Variants in MEGF11 observed in about 807,000 individuals in gnomAD.
MEGF11 encodes the protein multiple epidermal growth factor-like domains protein 11.
Under a neutral mutation model 146.6 loss-of-function variants are expected in MEGF11, and 126 were observed. The ratio of observed to expected loss-of-function variants is 0.86; its 90% confidence interval spans 0.74 to 1.00. The LOEUF (loss-of-function observed/expected upper bound fraction) is 1.00. MEGF11 is among the 50% of genes least tolerant of loss of function. The pLI is 0.00. For synonymous variants in MEGF11, 532 were observed against 583.4 expected (o/e 0.91, Z 1.27); for missense variants, 1,509 against 1,521.2 (o/e 0.99, Z 0.13).
intron 5 of MEGF11, among the ~76,000 whole-genome samples, chr15:66,093,155 T>C (rs1039589315): frequency 6.6e-6 from 1 of 151,558 alleles, no homozygotes; most frequent in Non-Finnish European, 1.5e-5. Context: ...CATTAGGGGG[T>C]TTCTTGGATA....
chr15:65,897,911 T>C lies in MEGF11; in HGVS notation c.*23A>G. On this transcript the variant is annotated 3_prime_UTR_variant, in exon 26 of 26. Transcript: ENST00000395614. ...AGTCAGAATATTCAGTAGAGCACACTGCAAGAGAGAAGCTTATCCCTCTTA... is the reference window on the plus strand; with the variant it reads ...AGTCAGAATATTCAGTAGAGCACACCGCAAGAGAGAAGCTTATCCCTCTTA... 6.2e-7 allele frequency: 1 copy of C among 1,609,668 alleles called. No homozygotes were observed. The highest frequency in any genetic ancestry group is 2.2e-5 in the East Asian group (1 of 44,880).
At chr15:66,247,815 T>A (rs1237222485) in intron 1 of MEGF11, among the ~76,000 whole-genome samples, 1 of 145,446 alleles carries the variant, frequency 6.9e-6, no homozygotes, top group Non-Finnish European at 1.6e-5. Flanking sequence ...GGCTGGCAGA[T>A]CACCTGAGGT....
At chr15:66,121,989 G>A (rs2088048976) in intron 3 of MEGF11, among the ~76,000 whole-genome samples, 2 of 152,196 alleles carry the variant, frequency 1.3e-5, no homozygotes, top group African/African-American at 4.8e-5. Context: ...CACTGGCCAG[G>A]CGTGGTGGCT....
intron 5 of MEGF11, among the ~76,000 whole-genome samples, chr15:65,984,516 A>G: frequency 1.0e-5 from 1 of 96,176 alleles, no homozygotes; most frequent in East Asian, 2.9e-4. Flanking sequence ...ATAGAGCAAG[A>G]CTCCGTGTCA....
At chr15:66,042,522 G>T (rs538346465) in intron 5 of MEGF11, among the ~76,000 whole-genome samples, 7 of 152,046 alleles carry the variant, frequency 4.6e-5, no homozygotes, top group Non-Finnish European at 7.4e-5. Context: ...TCAGAGCACT[G>T]GGGGGGAACA....
chr15:66,176,634 A>G (rs1597136497), intron 1 of MEGF11, among the ~76,000 whole-genome samples: 1 of 152,236 alleles, frequency 6.6e-6, no homozygotes, highest in Non-Finnish European at 1.5e-5. Flanking sequence ...CCATCACTGC[A>G]GAGGACCCTT....
intron 10 of MEGF11, among the ~76,000 whole-genome samples, chr15:65,942,789 G>A (rs1211446074): frequency 2.0e-5 from 3 of 152,106 alleles, no homozygotes. Flanking sequence ...TCTCTTACAG[G>A]TCTGCTGGGA....
chr15:66,221,391 C>T (rs996346502), intron 1 of MEGF11, among the ~76,000 whole-genome samples: 1 of 152,072 alleles, frequency 6.6e-6, no homozygotes, highest in Non-Finnish European at 1.5e-5. Flanking sequence ...ATTATTCTAG[C>T]CTGCAAGCAT....
intron 5 of MEGF11, among the ~76,000 whole-genome samples, chr15:66,058,449 A>C (rs2084769034): frequency 6.6e-6 from 1 of 152,214 alleles, no homozygotes; most frequent in South Asian, 2.1e-4. Context: ...CCAGGAGCTG[A>C]GGAGGCAGTT....
intron 1 of MEGF11, among the ~76,000 whole-genome samples, chr15:66,136,976 T>C (rs1455385932): frequency 6.6e-6 from 1 of 152,118 alleles, no homozygotes; most frequent in East Asian, 1.9e-4. Context: ...GAGGCTGCAG[T>C]GAGACGTGAG....
At chr15:66,034,479 G>T (rs1159270720) in intron 5 of MEGF11, among the ~76,000 whole-genome samples, 2 of 151,812 alleles carry the variant, frequency 1.3e-5, no homozygotes, top group African/African-American at 4.8e-5. Context: ...GAGTACAGTG[G>T]TGTGATCTTG....
At chr15:66,038,608 A>G (rs1465485) in intron 5 of MEGF11, among the ~76,000 whole-genome samples, 41,616 of 152,036 alleles carry the variant, frequency 0.27, 7,211 homozygotes, top group East Asian at 0.63. Flanking sequence ...TAATGTCCCC[A>G]TTTTACAGAT....
intron 5 of MEGF11, among the ~76,000 whole-genome samples, chr15:66,040,925 T>TG (rs1202284962): frequency 6.6e-6 from 1 of 150,934 alleles, no homozygotes; most frequent in Non-Finnish European, 1.5e-5. Flanking sequence ...TTTTTTTTTT[T>TG]TCCCCCCCGG....
intron 5 of MEGF11, among the ~76,000 whole-genome samples, chr15:66,051,941 G>T (rs146365422): frequency 2.0e-5 from 3 of 152,218 alleles, no homozygotes; most frequent in Middle Eastern, 3.4e-3. Context: ...TGTTTTTTCA[G>T]CCCCTCCTAA....
chr15:66,074,176 C>T (rs1259226261), intron 5 of MEGF11, among the ~76,000 whole-genome samples: 1 of 152,128 alleles, frequency 6.6e-6, no homozygotes, highest in Non-Finnish European at 1.5e-5. Context: ...CTTTCTATGC[C>T]TGTATTTGTA....
chr15:66,091,457 G>T (rs1816591899), intron 5 of MEGF11, among the ~76,000 whole-genome samples: 1 of 152,202 alleles, frequency 6.6e-6, no homozygotes, highest in African/African-American at 2.4e-5. Flanking sequence ...GCATCCAGAA[G>T]GAGGTAGAGT....
intron 4 of MEGF11, among the ~76,000 whole-genome samples, chr15:66,114,466 A>T (rs1298491748): frequency 6.6e-6 from 1 of 152,266 alleles, no homozygotes; most frequent in African/African-American, 2.4e-5. Flanking sequence ...CAGTATGCTC[A>T]TAACTCAGTC....
At chr15:65,983,009 C>T (rs910343526) in intron 5 of MEGF11, among the ~76,000 whole-genome samples, 1 of 152,130 alleles carries the variant, frequency 6.6e-6, no homozygotes, top group Non-Finnish European at 1.5e-5. Context: ...CTTCCCCACA[C>T]GCATTGGTTT....
chr15:66,106,363 CAT>C (rs925918146), intron 4 of MEGF11, among the ~76,000 whole-genome samples: 59 of 152,268 alleles, frequency 3.9e-4, no homozygotes, highest in African/African-American at 8.2e-4. Context: ...CGGGTGCACA[CAT>C]GTGTAGGGGG....
Sources: allele counts gnomAD v4.1 joint callset (sites outside exome capture counted in the v4.1 genomes callset), GRCh38; gene constraint gnomAD v4.1.1; transcripts MANE v1.5; gene names NCBI Gene and HGNC (gene_info 2026-07-23, HGNC 2026-07-21).